The following CACNB4 variants were observed in gnomAD, a reference collection of about 807,000 sequenced individuals.
CACNB4 encodes the protein voltage-dependent L-type calcium channel subunit beta-4.
A neutral mutation model predicts 71.2 loss-of-function variants in CACNB4; 32 were observed. That is an observed-to-expected ratio of 0.45 (90% CI 0.34 to 0.60). The LOEUF (loss-of-function observed/expected upper bound fraction) is 0.60. CACNB4 is among the 20% of genes least tolerant of loss of function. CACNB4 has a pLI of 0.01. For synonymous variants in CACNB4, 231 were observed against 236.9 expected (o/e 0.97, Z 0.23); for missense variants, 464 against 647.9 (o/e 0.72, Z 3.08).
At chr2:151,928,145 A>C (rs953057450) in intron 2 of CACNB4, among the ~76,000 whole-genome samples, 2 of 152,136 alleles carry the variant, frequency 1.3e-5, no homozygotes, top group Non-Finnish European at 2.9e-5. Context: ...GCTGCTTTGA[A>C]CTCTAAGTAT....
At chr2:152,077,532 G>A (rs1299635727) in intron 2 of CACNB4, among the ~76,000 whole-genome samples, 2 of 152,154 alleles carry the variant, frequency 1.3e-5, no homozygotes, top group African/African-American at 2.4e-5. Context: ...CAGCCTGGGC[G>A]ACAGAGCAAG....
At chr2:152,082,599 G>A (rs1232021541) in intron 2 of CACNB4, among the ~76,000 whole-genome samples, 2 of 152,170 alleles carry the variant, frequency 1.3e-5, no homozygotes, top group Non-Finnish European at 2.9e-5. Context: ...ATATTAGAAC[G>A]TGATGGAATC....
intron 2 of CACNB4, among the ~76,000 whole-genome samples, chr2:151,938,762 A>G (rs1484108552): frequency 1.3e-5 from 2 of 152,236 alleles, no homozygotes; most frequent in Non-Finnish European, 2.9e-5. Context: ...ATAATCAGCA[A>G]TTCTCTTGTT....
intron 2 of CACNB4, among the ~76,000 whole-genome samples, chr2:151,933,443 T>G (rs2099862109): frequency 6.6e-6 from 1 of 152,058 alleles, no homozygotes; most frequent in Admixed American, 6.6e-5. Context: ...CATGCATTAT[T>G]TTATATATGC....
chr2:152,095,244 T>C (rs1033948744), intron 2 of CACNB4, among the ~76,000 whole-genome samples: 1 of 152,150 alleles, frequency 6.6e-6, no homozygotes, highest in Non-Finnish European at 1.5e-5. Context: ...GGAAGCAGGC[T>C]CTCTTTCTCA....
chr2:151,932,314 T>C (rs1327051695), intron 2 of CACNB4, among the ~76,000 whole-genome samples: 1 of 151,982 alleles, frequency 6.6e-6, no homozygotes, highest in African/African-American at 2.4e-5. Flanking sequence ...TGTGCCAGGA[T>C]GACAAATTTT....
intron 2 of CACNB4, among the ~76,000 whole-genome samples, chr2:151,918,997 TC>T (rs2151563319): frequency 6.6e-6 from 1 of 152,314 alleles, no homozygotes; most frequent in African/African-American, 2.4e-5. Flanking sequence ...TCTCTGAAGT[TC>T]CGTAATATAT....
At chr2:151,933,192 A>G (rs2099862058) in intron 2 of CACNB4, among the ~76,000 whole-genome samples, 1 of 151,162 alleles carries the variant, frequency 6.6e-6, no homozygotes, top group South Asian at 2.1e-4. Flanking sequence ...AAAAGCAAAA[A>G]CCATAATTAC....
chr2:151,840,484 C>T (rs1469355492), intron 13 of CACNB4, among the ~76,000 whole-genome samples: 2 of 152,172 alleles, frequency 1.3e-5, no homozygotes, highest in Non-Finnish European at 2.9e-5. Flanking sequence ...TTGCTTCATG[C>T]ATCTATTTCT....
chr2:152,093,894 C>A (rs926365011), intron 2 of CACNB4, among the ~76,000 whole-genome samples: 18 of 152,182 alleles, frequency 1.2e-4, no homozygotes, highest in African/African-American at 4.3e-4. Flanking sequence ...GGCAATTTCT[C>A]CCCACTAAAC....
At chr2:151,923,281 A>T (rs565842237) in intron 2 of CACNB4, among the ~76,000 whole-genome samples, 9 of 152,324 alleles carry the variant, frequency 5.9e-5, no homozygotes, top group Non-Finnish European at 1.0e-4. Flanking sequence ...AGAGGACTCC[A>T]CTACTTTGCT....
Position 152,098,746 on chromosome 2 carries a change from G to T in CACNB4, c.63+203C>A. Reference sequence around the variant, plus strand: ...GGAGCGCAGAGACCCGAAGGAGGGTGAGGAGGAGGAGGAAGAGAAGGAGGA... The same window carrying T: ...GGAGCGCAGAGACCCGAAGGAGGGTTAGGAGGAGGAGGAAGAGAAGGAGGA... On this transcript the variant is annotated intron_variant, in intron 1 of 13. Transcript: ENST00000539935. The surrounding 1 kb of genome is among the most constrained non-coding windows in gnomAD (Gnocchi z 5.3). The T allele has an allele frequency of 7.0e-7, 1 of 1,431,538 alleles. No individual in the cohort carries two copies. Among genetic ancestry groups the T allele is most frequent in the Non-Finnish European group, 9.5e-7 (1 of 1,052,342 alleles). 88.7% of individuals were successfully genotyped at this position (1,431,538 alleles called of 1,614,324 possible).
intron 9 of CACNB4, chr2:151,867,089 T>C (rs2099843350): frequency 6.6e-6 from 1 of 152,240 alleles, no homozygotes; most frequent in African/African-American, 2.4e-5. Context: ...AAGTATGTTA[T>C]AGACCAAAAT....
chr2:151,879,188 G>A (rs937411532), intron 4 of CACNB4, among the ~76,000 whole-genome samples: 4 of 152,144 alleles, frequency 2.6e-5, no homozygotes, highest in African/African-American at 4.8e-5. Flanking sequence ...GAAATGAAGT[G>A]GCATAGCCCA....
At chr2:152,061,528 A>G (rs1686013536) in intron 2 of CACNB4, among the ~76,000 whole-genome samples, 1 of 152,152 alleles carries the variant, frequency 6.6e-6, no homozygotes, top group African/African-American at 2.4e-5. Context: ...AACTTTGTGA[A>G]GTAAAAAGAG....
upstream of CACNB4, chr2:152,099,125 A>C: frequency 1.6e-6 from 1 of 613,920 alleles, no homozygotes; most frequent in Non-Finnish European, 2.7e-6. Context: ...CGGCTCCAGG[A>C]CCCGCGCCGG....
At chr2:152,061,777 C>T (rs144438205) in intron 2 of CACNB4, among the ~76,000 whole-genome samples, 4 of 151,786 alleles carry the variant, frequency 2.6e-5, no homozygotes, top group South Asian at 4.2e-4. Flanking sequence ...TCTGGGAGGC[C>T]GAGGCAGGCG....
rs574107019 is a variant in CACNB4, at chr2:151,843,308, A to ACTTT, written c.1117-1224_1117-1221dup. On this transcript the variant is annotated intron_variant, in intron 12 of 13. Transcript: ENST00000539935. The stretch of plus-strand genomic sequence containing the variant: ...CACAGGTAAGTGTTAGCACATCTCA[A>ACTTT]CTTTCTTTCTTTCTTTCTTTTTCTT... Among the ~76,000 whole-genome samples the ACTTT allele has an allele frequency of 2.4e-3, 371 of 152,218 alleles. 1 individual carries two copies. The highest frequency in any genetic ancestry group is 8.5e-3 in the African/African-American group (355 of 41,534).
chr2:151,916,639 A>G (rs1315086364), intron 2 of CACNB4, among the ~76,000 whole-genome samples: 1 of 152,240 alleles, frequency 6.6e-6, no homozygotes, highest in East Asian at 1.9e-4. Flanking sequence ...TTGATCACCC[A>G]CATAGAAAGC....
Sources: allele counts gnomAD v4.1 joint callset (sites outside exome capture counted in the v4.1 genomes callset), GRCh38; gene constraint gnomAD v4.1.1; non-coding constraint Gnocchi (gnomAD v3.1); transcripts MANE v1.5; gene names NCBI Gene and HGNC (gene_info 2026-07-23, HGNC 2026-07-21).